Variants in RAB11FIP2 observed in about 807,000 individuals in gnomAD.
RAB11FIP2 encodes the protein rab11 family-interacting protein 2.
In RAB11FIP2, 16 loss-of-function variants were observed where a neutral mutation model predicts 40.9. The ratio of observed to expected loss-of-function variants is 0.39; its 90% CI spans 0.26 to 0.59. RAB11FIP2 has a LOEUF of 0.59. RAB11FIP2 is among the 20% of genes least tolerant of loss of function. The pLI, the probability that RAB11FIP2 is intolerant of heterozygous loss-of-function variation, is 0.53. For synonymous variants in RAB11FIP2, 228 were observed against 213.7 expected (o/e 1.07, Z -0.58); for missense variants, 532 against 606.2 (o/e 0.88, Z 1.28).
chr10:118,039,638 A>G (rs969573015), intron 2 of RAB11FIP2, 198 bp from the exon 3 acceptor site: 17 of 583,198 alleles, frequency 2.9e-5, no homozygotes, highest in Non-Finnish European at 4.5e-5. Flanking sequence ...AACAACTAGC[A>G]TATTGCTAGA....
rs1846100071 is a variant in RAB11FIP2 at position 118,007,190 on chromosome 10, G to A, written c.*1808C>T. 1 of 147,816 alleles carries A rather than the reference G, an allele frequency of 6.8e-6. No homozygotes were observed. The highest frequency in any genetic ancestry group is 2.5e-5 in the African/African-American group (1 of 40,212). The allele number at this position is 147,816 out of a possible 1,614,324, so 9.2% of individuals were successfully genotyped here. On this transcript the variant is annotated 3_prime_UTR_variant, in exon 5 of 5. Coordinates refer to ENST00000355624, the MANE Select transcript of RAB11FIP2 (RefSeq NM_014904.3). Reference sequence around the variant, plus strand: ...TTAAAAAAAAAAAAAAAACTACCAAGACCTCAAACGGGAAAATACCATTCT... The same window carrying A: ...TTAAAAAAAAAAAAAAAACTACCAAAACCTCAAACGGGAAAATACCATTCT...
At chr10:118,010,294 T>G (rs1401183590) in intron 4 of RAB11FIP2, among the ~76,000 whole-genome samples, 1 of 152,180 alleles carries the variant, frequency 6.6e-6, no homozygotes, top group African/African-American at 2.4e-5. Flanking sequence ...TCACTATCTT[T>G]TAAAACATTT....
chr10:118,013,835 A>C (rs1001899240), intron 4 of RAB11FIP2, among the ~76,000 whole-genome samples: 13 of 152,118 alleles, frequency 8.5e-5, no homozygotes, highest in African/African-American at 3.1e-4. Context: ...GGAAAAGTAC[A>C]TTTACAAGCA....
At chr10:118,027,803 AAACTTATC>A (rs1850529190) in intron 3 of RAB11FIP2, among the ~76,000 whole-genome samples, 1 of 152,182 alleles carries the variant, frequency 6.6e-6, no homozygotes, top group African/African-American at 2.4e-5. Context: ...TATCCCTTCA[AAACTTATC>A]TAATAATTTT....
At chr10:118,032,778 C>T (rs547376740) in intron 3 of RAB11FIP2, among the ~76,000 whole-genome samples, 2 of 152,184 alleles carry the variant, frequency 1.3e-5, no homozygotes, top group South Asian at 4.1e-4. Flanking sequence ...GTAGGCCATC[C>T]GATTCTGTAC....
At position 118,046,169 on chromosome 10, in the gene RAB11FIP2, C is replaced by G; in HGVS notation, c.-6G>C. 6.2e-7 allele frequency: 1 copy of G among 1,610,118 alleles called. No homozygotes were observed. The highest frequency in any genetic ancestry group is 1.1e-5 in the South Asian group (1 of 90,884). Reference sequence around the variant, plus strand: ...GCTTGCTCGGACAGCATCATCCTGTCCTGTTTCTCTGCCCCCGAGTTCCCT... The same window carrying G: ...GCTTGCTCGGACAGCATCATCCTGTGCTGTTTCTCTGCCCCCGAGTTCCCT... On this transcript the variant is annotated 5_prime_UTR_variant, in exon 1 of 5. Transcript: ENST00000355624.
intron 4 of RAB11FIP2, among the ~76,000 whole-genome samples, chr10:118,009,672 T>C (rs1338806483): frequency 6.6e-6 from 1 of 152,176 alleles, no homozygotes; most frequent in Non-Finnish European, 1.5e-5. Context: ...TGTTATATGT[T>C]TGGCTTCTTA....
At chr10:118,020,633 CTG>C (rs1846273349) in intron 3 of RAB11FIP2, among the ~76,000 whole-genome samples, 2 of 152,314 alleles carry the variant, frequency 1.3e-5, no homozygotes, top group African/African-American at 2.4e-5. Flanking sequence ...CCCTGCTGGG[CTG>C]CAGTAGCATC....
intron 3 of RAB11FIP2, among the ~76,000 whole-genome samples, chr10:118,018,773 A>G (rs1038789546): frequency 1.3e-5 from 2 of 152,190 alleles, no homozygotes; most frequent in South Asian, 2.1e-4. Flanking sequence ...TGAGGTCTTG[A>G]AACTGTCCTT....
At chr10:118,017,781 G>GA (rs760756159) in intron 3 of RAB11FIP2, 14 of 152,168 alleles carry the variant, frequency 9.2e-5, no homozygotes, top group East Asian at 1.9e-4. Flanking sequence ...TATGTCTCAG[G>GA]AAAAAATCAC....
Position 118,009,226 on chromosome 10 carries a change from C to T in RAB11FIP2, c.1312-1G>A. 6.2e-7 allele frequency: 1 copy of T among 1,607,476 alleles called. No individual in the cohort carries two copies. Among genetic ancestry groups the T allele is most frequent in the Admixed American group, 1.7e-5 (1 of 59,852 alleles). On this transcript the variant is annotated splice_acceptor_variant, in intron 4 of 4. Coordinates refer to ENST00000355624, the MANE Select transcript of RAB11FIP2 (RefSeq NM_014904.3). LOFTEE classifies it high-confidence loss of function. ...CAGTGGCATCAAAGGGGTTGCTGTCCTAGAACAGGATAAAGACTGTCACTT... is the reference window on the plus strand; with the variant it reads ...CAGTGGCATCAAAGGGGTTGCTGTCTTAGAACAGGATAAAGACTGTCACTT...
intron 3 of RAB11FIP2, among the ~76,000 whole-genome samples, chr10:118,025,951 T>G (rs1164980263): frequency 6.6e-6 from 1 of 152,238 alleles, no homozygotes; most frequent in Non-Finnish European, 1.5e-5. Context: ...CTAGGACAAT[T>G]AATTACACAT....
chr10:118,010,358 C>T (rs1254982301), intron 4 of RAB11FIP2, among the ~76,000 whole-genome samples: 1 of 152,032 alleles, frequency 6.6e-6, no homozygotes, highest in African/African-American at 2.4e-5. Context: ...GGTTTTCTTG[C>T]TGTTAAGGAA....
rs564790300 is a variant in RAB11FIP2 at position 118,038,892 on chromosome 10, C to T, written c.1265+80G>A. On this transcript the variant is annotated intron_variant, in intron 3 of 4. Coordinates refer to ENST00000355624, the MANE Select transcript of RAB11FIP2 (RefSeq NM_014904.3). ...TAAAATAAAATGACTTGAAAATATT[C>T]TAGCATTTAAAAGAAATATTTGATA... 31 of 904,090 alleles carry T rather than the reference C, an allele frequency of 3.4e-5. No individual in the cohort carries two copies. In the South Asian group the frequency reaches 5.8e-4, roughly 17 times the overall value. 56.0% of individuals were successfully genotyped at this position (904,090 alleles called of 1,614,324 possible).
chr10:118,015,007 G>C, intron 4 of RAB11FIP2, 58 bp downstream of exon 4: 1 of 1,432,808 alleles, frequency 7.0e-7, no homozygotes, highest in Non-Finnish European at 9.7e-7. Context: ...AGAAATGTGT[G>C]CCAGAGAAAA....
intron 4 of RAB11FIP2, among the ~76,000 whole-genome samples, chr10:118,013,377 C>A (rs1406985135): frequency 6.6e-6 from 1 of 152,212 alleles, no homozygotes; most frequent in East Asian, 1.9e-4. Flanking sequence ...AGAGCTCACA[C>A]TGCCCTTTCA....
intron 1 of RAB11FIP2, among the ~76,000 whole-genome samples, chr10:118,044,835 C>CA (rs1846606195): frequency 6.6e-6 from 1 of 151,706 alleles, no homozygotes; most frequent in Non-Finnish European, 1.5e-5. Flanking sequence ...CTGAACAAAA[C>CA]ACCAACACTA....
intron 3 of RAB11FIP2, among the ~76,000 whole-genome samples, chr10:118,037,394 T>A (rs1354578021): frequency 1.3e-5 from 2 of 152,146 alleles, no homozygotes; most frequent in Non-Finnish European, 2.9e-5. Context: ...TGCAAATTTT[T>A]AAAATATCAT....
In RAB11FIP2 at chr10:118,005,163, G is replaced by C. The variant is rs1846079335; in HGVS notation, c.*3835C>G. On this transcript the variant is annotated 3_prime_UTR_variant, in exon 5 of 5. Coordinates refer to ENST00000355624, the MANE Select transcript of RAB11FIP2 (RefSeq NM_014904.3). The stretch of plus-strand genomic sequence containing the variant: ...TACCCGCTAAATATATGCATTTCTA[G>C]ATCTGCAGCATTTTTTTGTACCTCA... 6.6e-6 allele frequency: 1 copy of C among 152,522 alleles called. No individual in the cohort carries two copies. The highest frequency in any genetic ancestry group is 1.5e-5 in the Non-Finnish European group (1 of 68,024). The allele number at this position is 152,522 out of a possible 1,614,324, so 9.4% of individuals were successfully genotyped here. A position where few individuals can be genotyped will look rare whatever the true frequency, so the allele number is the denominator to read the frequency against.
Sources: gnomAD v4.1 joint callset for allele counts (sites outside exome capture counted in the v4.1 genomes callset) on GRCh38, gnomAD v4.1.1 for gene constraint, MANE v1.5 for transcripts, NCBI Gene and HGNC (gene_info 2026-07-23, HGNC 2026-07-21) for gene names.